COLEC10: variants seen among roughly 807,000 people sequenced by gnomAD.
The protein encoded by COLEC10 is collectin-10.
A neutral mutation model predicts 28.4 loss-of-function variants in COLEC10; 22 were observed. That is an observed-to-expected ratio of 0.78 (90% CI 0.55 to 1.11). The LOEUF (loss-of-function observed/expected upper bound fraction) is 1.11. COLEC10 is among the 50% of genes least tolerant of loss of function. COLEC10 has a pLI of 0.00. For synonymous variants in COLEC10, 125 were observed against 116.1 expected (o/e 1.08, Z -0.49); for missense variants, 361 against 344.1 (o/e 1.05, Z -0.39).
At chr8:119,010,727 T>C (rs759898241) in intron 2 of COLEC10, among the ~76,000 whole-genome samples, 2 of 151,104 alleles carry the variant, frequency 1.3e-5, no homozygotes, top group African/African-American at 4.9e-5. Context: ...TTATTGTTGG[T>C]TTAATTTCCA....
chr8:119,092,916 A>AT, intron 3 of COLEC10, among the ~76,000 whole-genome samples: 1 of 152,280 alleles, frequency 6.6e-6, no homozygotes, highest in Middle Eastern at 3.4e-3. Context: ...AAAGAAAAAA[A>AT]AAAGAATTAT....
At chr8:118,960,323 C>T in the COLEC10 span, among the ~76,000 whole-genome samples, 10 of 152,208 alleles carry the variant, frequency 6.6e-5, no homozygotes, top group African/African-American at 2.2e-4. Context: ...GTTTTACGGG[C>T]AGTAGAGGCT....
intron 1 of COLEC10, among the ~76,000 whole-genome samples, chr8:118,999,526 G>A (rs1297204169): frequency 4.0e-5 from 6 of 151,710 alleles, no homozygotes; most frequent in Non-Finnish European, 7.4e-5. Context: ...AGGAGGCGGA[G>A]GTTGCAGTGA....
chr8:119,037,203 C>G (rs1253706923), intron 2 of COLEC10, among the ~76,000 whole-genome samples: 1 of 152,166 alleles, frequency 6.6e-6, no homozygotes, highest in Non-Finnish European at 1.5e-5. Context: ...AGAATCTATA[C>G]TTTCTTTTGA....
intron 2 of COLEC10, among the ~76,000 whole-genome samples, chr8:119,048,859 G>T (rs1260775512): frequency 6.6e-6 from 1 of 152,128 alleles, no homozygotes; most frequent in Non-Finnish European, 1.5e-5. Context: ...ATTGATATGT[G>T]AGATCTCAAT....
At chr8:119,072,035 C>T (rs1031513018) in intron 1 of COLEC10, among the ~76,000 whole-genome samples, 1 of 152,188 alleles carries the variant, frequency 6.6e-6, no homozygotes, top group Non-Finnish European at 1.5e-5. Context: ...AACAGTGCCT[C>T]TGCTTCCCAG....
intron 3 of COLEC10, among the ~76,000 whole-genome samples, chr8:119,093,075 C>T (rs1815642753): frequency 1.3e-5 from 2 of 152,268 alleles, no homozygotes; most frequent in Admixed American, 1.3e-4. Context: ...GATGCTTGTA[C>T]AAAAAAGATT....
At position 119,100,555 on chromosome 8, in the gene COLEC10, T is replaced by G. The variant is rs562127301; in HGVS notation, c.293-1793T>G. On this transcript the variant is annotated intron_variant, in intron 3 of 5. Transcript: ENST00000332843. ...GAGCAGGGTGCTCGACATATGCTCA[T>G]GCCTTTATCCCAACTATATCCTCTG... 2.0e-5 allele frequency among the ~76,000 whole-genome samples: 3 copies of G among 152,320 alleles called. No homozygotes were observed. The East Asian group carries it at 5.8e-4, about 29-fold the overall frequency.
At chr8:119,103,647 C>T (rs1436681225) in intron 4 of COLEC10, among the ~76,000 whole-genome samples, 153 bp from the exon 5 acceptor site, 1 of 152,012 alleles carries the variant, frequency 6.6e-6, no homozygotes, top group Non-Finnish European at 1.5e-5. Context: ...AATTGGAAAC[C>T]TTATTTTAAA....
chr8:119,047,854 C>A (rs7844871), intron 2 of COLEC10, among the ~76,000 whole-genome samples: 5,222 of 152,146 alleles, frequency 0.034, 196 homozygotes, highest in African/African-American at 0.091. Flanking sequence ...CTTTCTCTCT[C>A]TATATATATG....
chr8:119,079,494 T>C (rs897192382), intron 1 of COLEC10, among the ~76,000 whole-genome samples: 3 of 152,172 alleles, frequency 2.0e-5, no homozygotes, highest in African/African-American at 7.2e-5. Flanking sequence ...TTTGTTTCTA[T>C]GGGCCTGACT....
intron 1 of COLEC10, 142 bp from the exon 2 acceptor site, chr8:119,089,538 C>T: frequency 3.3e-6 from 2 of 606,832 alleles, no homozygotes; most frequent in South Asian, 4.5e-5. Flanking sequence ...TGCATGTGAA[C>T]ATACATCCAT....
intron 1 of COLEC10, among the ~76,000 whole-genome samples, chr8:119,085,504 T>C (rs920350545): frequency 3.3e-5 from 5 of 152,100 alleles, no homozygotes; most frequent in African/African-American, 1.2e-4. Flanking sequence ...GAAGGATATA[T>C]TTTAGGCAGG....
At chr8:119,066,249 G>A (rs1814952917), upstream of COLEC10, among the ~76,000 whole-genome samples, 1 of 152,092 alleles carries the variant, frequency 6.6e-6, no homozygotes, top group African/African-American at 2.4e-5. Context: ...AGAAGGTAAG[G>A]GGCCTCTCCA....
At chr8:119,059,889 G>GA (rs1050849546) in intron 2 of COLEC10, among the ~76,000 whole-genome samples, 6 of 151,996 alleles carry the variant, frequency 3.9e-5, no homozygotes, top group African/African-American at 1.4e-4. Flanking sequence ...CAAATCAAAA[G>GA]AAAAAAGCCC....
At chr8:118,973,645 G>T in the COLEC10 span, among the ~76,000 whole-genome samples, 1 of 151,930 alleles carries the variant, frequency 6.6e-6, no homozygotes, top group Non-Finnish European at 1.5e-5. Context: ...CATTTTATTG[G>T]TTATAAGCAA....
At chr8:119,104,766 G>A (rs1265383916) in intron 5 of COLEC10, among the ~76,000 whole-genome samples, 1 of 152,094 alleles carries the variant, frequency 6.6e-6, no homozygotes, top group Non-Finnish European at 1.5e-5. Context: ...TATAACTTTG[G>A]TTGTAATCTG....
At chr8:118,983,824 TA>T in the COLEC10 span, among the ~76,000 whole-genome samples, 1 of 151,776 alleles carries the variant, frequency 6.6e-6, no homozygotes, top group Non-Finnish European at 1.5e-5. Context: ...TGTTAAAAAA[TA>T]AAAAAATAAC....
chr8:119,057,077 C>T (rs1246271071), intron 2 of COLEC10, among the ~76,000 whole-genome samples: 7 of 151,998 alleles, frequency 4.6e-5, no homozygotes, highest in Admixed American at 4.6e-4. Flanking sequence ...TGTGTTGCCA[C>T]CCAAATCTCA....
Sources: gnomAD v4.1 joint callset for allele counts (sites outside exome capture counted in the v4.1 genomes callset) on GRCh38, gnomAD v4.1.1 for gene constraint, MANE v1.5 for transcripts, NCBI Gene and HGNC (gene_info 2026-07-23, HGNC 2026-07-21) for gene names.